The following TBC1D2B variants were observed in gnomAD, a reference collection of about 807,000 sequenced individuals.
The protein encoded by TBC1D2B is TBC1 domain family, member 2B.
A neutral mutation model predicts 100.8 loss-of-function variants in TBC1D2B; 64 were observed. That is an observed-to-expected ratio of 0.64 (90% CI 0.52 to 0.78). The LOEUF is 0.78. Ranked by LOEUF, TBC1D2B falls within the 30% of genes least tolerant of loss-of-function variation. The probability of loss-of-function intolerance (pLI) is 0.00; values close to 1 mark genes in which losing one functional copy is unlikely to be tolerated. For missense variants in TBC1D2B, 1,052 were observed against 1,218.4 expected (o/e 0.86, Z 2.03); for synonymous variants, 480 against 479.7 (o/e 1.00, Z -0.01).
rs1233633494 is a variant in TBC1D2B at position 78,013,106 on chromosome 15, T to C, written c.1987A>G (p.Ile663Val). ...PELKNLIRAGIPHEHRSKVWK... is the reference protein window; with the variant it reads ...PELKNLIRAGVPHEHRSKVWK... ...ACCTTGGAACGGTGCTCGTGGGGAA[T>C]GCCCGCACGGATGAGGTTTTTTAAC... Residue 663 changes from isoleucine (I) to valine (V), a missense_variant, in exon 9 of 13, where the codon ATT becomes GTT. Ile to Val is a conservative substitution (Grantham distance 29). Coordinates refer to ENST00000300584, the MANE Select transcript of TBC1D2B (RefSeq NM_144572.2). 1.2e-6 allele frequency: 2 copies of C among 1,614,010 alleles called. No individual in the cohort carries two copies. The highest frequency in any genetic ancestry group is 4.5e-5 in the East Asian group (2 of 44,892).
chr15:78,034,894 C>T (rs371150778), intron 3 of TBC1D2B, among the ~76,000 whole-genome samples: 1 of 152,230 alleles, frequency 6.6e-6, no homozygotes, highest in Non-Finnish European at 1.5e-5. Context: ...CTCAGACACA[C>T]TCACCCTGTC....
intron 1 of TBC1D2B, among the ~76,000 whole-genome samples, chr15:78,071,929 G>A (rs1298117897): frequency 2.0e-5 from 3 of 152,178 alleles, no homozygotes; most frequent in Non-Finnish European, 4.4e-5. Context: ...GGTTCCTGGC[G>A]GGGGCCCTCT....
intron 2 of TBC1D2B, among the ~76,000 whole-genome samples, chr15:78,047,159 T>C (rs138510401): frequency 1.3e-3 from 190 of 150,390 alleles, no homozygotes; most frequent in African/African-American, 4.6e-3. Context: ...TAACAGAGTA[T>C]ACACTTTTTT....
At chr15:78,016,787 G>T (rs1484048504) in intron 7 of TBC1D2B, 48 bp from the exon 8 acceptor site, 7 of 1,433,800 alleles carry the variant, frequency 4.9e-6, no homozygotes, top group Non-Finnish European at 6.5e-6. Context: ...GACACAGGAA[G>T]AGCAATCTTT....
chr15:78,047,750 C>G (rs765605120), intron 2 of TBC1D2B, among the ~76,000 whole-genome samples: 1 of 152,158 alleles, frequency 6.6e-6, no homozygotes, highest in African/African-American at 2.4e-5. Context: ...CTGCAGTATA[C>G]AAATATTGCA....
chr15:78,042,764 T>C (rs758482796), intron 3 of TBC1D2B, among the ~76,000 whole-genome samples: 1 of 152,204 alleles, frequency 6.6e-6, no homozygotes, highest in Admixed American at 6.5e-5. Context: ...AAAGTGCTAA[T>C]ACTGGGAACA....
At chr15:78,056,856 G>A (rs867828226) in intron 1 of TBC1D2B, among the ~76,000 whole-genome samples, 6 of 152,048 alleles carry the variant, frequency 3.9e-5, no homozygotes, top group African/African-American at 1.5e-4. Context: ...TGCGTGTGTG[G>A]TCCTCCCACC....
At chr15:78,008,966 G>A (rs1454048842) in intron 10 of TBC1D2B, 31 bp downstream of exon 10, 14 of 1,448,066 alleles carry the variant, frequency 9.7e-6, no homozygotes, top group Non-Finnish European at 1.2e-5. Context: ...TTCTAAAAGT[G>A]GTGACTAAAA....
At chr15:77,998,420 C>T in intron 12 of TBC1D2B, 65 bp from the exon 13 acceptor site, 11 of 1,445,774 alleles carry the variant, frequency 7.6e-6, no homozygotes, top group East Asian at 5.2e-5. Flanking sequence ...ACACACAGCC[C>T]TCACAGGCAT....
intron 3 of TBC1D2B, among the ~76,000 whole-genome samples, chr15:78,041,649 C>T (rs949672236): frequency 2.0e-5 from 3 of 152,090 alleles, no homozygotes; most frequent in African/African-American, 7.2e-5. Flanking sequence ...GTCTGTGCAC[C>T]TAAGGCATTT....
chr15:78,032,618 G>C (rs1207036633), intron 3 of TBC1D2B, among the ~76,000 whole-genome samples: 1 of 151,126 alleles, frequency 6.6e-6, no homozygotes, highest in African/African-American at 2.4e-5. Flanking sequence ...TATTCTTTAT[G>C]TTCTAAAAGC....
In TBC1D2B at chr15:78,025,513, A is replaced by G. The variant is rs1226899626; in HGVS notation, c.848-16T>C. 1.3e-6 allele frequency: 2 copies of G among 1,515,694 alleles called. No homozygotes were observed. Among genetic ancestry groups the G allele is most frequent in the Non-Finnish European group, 1.8e-6 (2 of 1,124,532 alleles). 93.9% of individuals were successfully genotyped at this position (1,515,694 alleles called of 1,614,324 possible). On this transcript the variant is annotated splice_polypyrimidine_tract_variant and intron_variant, in intron 4 of 12. Coordinates refer to ENST00000300584, the MANE Select transcript of TBC1D2B (RefSeq NM_144572.2). ...CCAGTTACTCCTACATAAAAATAAA[A>G]CTTGTATTTTATTATTATTATTATT...
At chr15:78,018,759 G>C (rs1407163968) in intron 6 of TBC1D2B, among the ~76,000 whole-genome samples, 1 of 152,136 alleles carries the variant, frequency 6.6e-6, no homozygotes, top group African/African-American at 2.4e-5. Flanking sequence ...AACCAAAAAG[G>C]GGGTGAAGTG....
At chr15:78,005,824 CAG>C (rs1444536670) in intron 10 of TBC1D2B, among the ~76,000 whole-genome samples, 1 of 152,152 alleles carries the variant, frequency 6.6e-6, no homozygotes, top group African/African-American at 2.4e-5. Context: ...CTTGTATAGT[CAG>C]GGGGGAAAAA....
intron 10 of TBC1D2B, among the ~76,000 whole-genome samples, chr15:78,007,362 C>T (rs998161284): frequency 6.6e-6 from 1 of 152,194 alleles, no homozygotes; most frequent in Non-Finnish European, 1.5e-5. Flanking sequence ...GTGATGGAGA[C>T]AGGCCGGTGG....
chr15:78,002,183 T>A (rs1002628549), intron 11 of TBC1D2B, among the ~76,000 whole-genome samples: 8 of 152,194 alleles, frequency 5.3e-5, no homozygotes, highest in African/African-American at 1.2e-4. Context: ...GAGTTTTTTT[T>A]AAATTTTATT....
At chr15:78,071,349 A>G (rs1351565103) in intron 1 of TBC1D2B, among the ~76,000 whole-genome samples, 1 of 152,258 alleles carries the variant, frequency 6.6e-6, no homozygotes, top group East Asian at 1.9e-4. Context: ...TTCAGAGTCC[A>G]TAACTAAAAG....
chr15:78,029,040 T>A (rs2072741290), intron 4 of TBC1D2B, among the ~76,000 whole-genome samples: 1 of 151,568 alleles, frequency 6.6e-6, no homozygotes, highest in African/African-American at 2.4e-5. Flanking sequence ...GTAAATATAA[T>A]AAAGAAGTTG....
At chr15:78,069,565 C>T (rs1353480738) in intron 1 of TBC1D2B, among the ~76,000 whole-genome samples, 1 of 152,114 alleles carries the variant, frequency 6.6e-6, no homozygotes, top group Non-Finnish European at 1.5e-5. Flanking sequence ...CGTGTGTCCC[C>T]GCAAAATTCA....
Sources: gnomAD v4.1 joint callset for allele counts (sites outside exome capture counted in the v4.1 genomes callset) on GRCh38, gnomAD v4.1.1 for gene constraint, MANE v1.5 for transcripts, NCBI Gene and HGNC (gene_info 2026-07-23, HGNC 2026-07-21) for gene names.